ADCY5: variants seen among roughly 807,000 people sequenced by gnomAD.
ADCY5 encodes the protein adenylate cyclase 5, also known as adenylate cyclase type 5.
Under a neutral mutation model 119.7 loss-of-function variants are expected in ADCY5, and 30 were observed. The observed-to-expected ratio is 0.25, with a 90% CI of 0.19 to 0.34. The LOEUF is 0.34. Ranked by LOEUF, ADCY5 falls within the 10% of genes least tolerant of loss-of-function variation. ADCY5 has a pLI of 1.00. For missense variants in ADCY5, 1,324 were observed against 1,775.2 expected (o/e 0.75, Z 4.57); for synonymous variants, 753 against 762.2 (o/e 0.99, Z 0.20).
intron 12 of ADCY5, among the ~76,000 whole-genome samples, 155 bp from the exon 13 acceptor site, chr3:123,304,338 G>T (rs1011744206): frequency 2.6e-5 from 4 of 152,290 alleles, no homozygotes; most frequent in Admixed American, 6.5e-5. Flanking sequence ...AGCCTGCAAG[G>T]CTCCAGCCTT....
chr3:123,447,621 C>A lies in ADCY5; in HGVS notation c.925G>T (p.Val309Leu). ...GLACYALIAV[V>L]LAVQVVGLLL... ...AGGCCCACCACCTGGACGGCCAGCACCACGGCGATGAGCGCATAGCAGGCC... is the reference window on the plus strand; with the variant it reads ...AGGCCCACCACCTGGACGGCCAGCAACACGGCGATGAGCGCATAGCAGGCC... Residue 309 changes from valine to leucine, a missense_variant, in exon 1 of 21, where the codon GTG becomes TTG. By Grantham distance (32) the Val-to-Leu change is conservative (BLOSUM62 1). Around this residue, in one of 6 missense-constraint regions of ADCY5, gnomAD observed 585 missense variants for 569.9 expected, o/e 1.03. Coordinates refer to ENST00000462833, the MANE Select transcript of ADCY5 (RefSeq NM_183357.3). 1 of 1,608,004 alleles carries A rather than the reference C, an allele frequency of 6.2e-7. No individual in the cohort carries two copies. The highest frequency in any genetic ancestry group is 1.1e-5 in the South Asian group (1 of 90,490).
intron 1 of ADCY5, among the ~76,000 whole-genome samples, chr3:123,386,217 T>A (rs1225040311): frequency 6.6e-6 from 1 of 152,216 alleles, no homozygotes; most frequent in Non-Finnish European, 1.5e-5. Context: ...TGACTCAGCC[T>A]TGACACTTTT....
chr3:123,390,363 G>A (rs377010494), intron 1 of ADCY5, among the ~76,000 whole-genome samples: 6 of 152,148 alleles, frequency 3.9e-5, no homozygotes, highest in African/African-American at 9.7e-5. Context: ...CCTCCACTGC[G>A]TCTTCAAGCC....
intron 12 of ADCY5, among the ~76,000 whole-genome samples, chr3:123,310,484 T>G (rs1297905960): frequency 6.6e-6 from 1 of 152,164 alleles, no homozygotes; most frequent in East Asian, 1.9e-4. Context: ...GCCCACCCCT[T>G]GCAGGGTTAT....
chr3:123,295,991 C>T, intron 17 of ADCY5, 93 bp downstream of exon 17: 1 of 1,542,836 alleles, frequency 6.5e-7, no homozygotes, highest in South Asian at 1.2e-5. Context: ...AAGACGAAGG[C>T]CCGGCTTGGC....
At chr3:123,418,621 T>G (rs1196034286) in intron 1 of ADCY5, among the ~76,000 whole-genome samples, 1 of 152,052 alleles carries the variant, frequency 6.6e-6, no homozygotes, top group Admixed American at 6.6e-5. Context: ...GAGAACTCAC[T>G]CACTACCAGA....
At chr3:123,433,107 AAACCT>A (rs1214157778) in intron 1 of ADCY5, among the ~76,000 whole-genome samples, 1 of 152,240 alleles carries the variant, frequency 6.6e-6, no homozygotes, top group Non-Finnish European at 1.5e-5. Context: ...ACACATAAAC[AAACCT>A]AACGAGAAAA....
intron 1 of ADCY5, chr3:123,404,222 G>A (rs147293442): frequency 0.019 from 2,914 of 152,336 alleles, 50 homozygotes; most frequent in South Asian, 0.033. Flanking sequence ...TCTGGAAGGG[G>A]ACTTTCAAAT....
chr3:123,405,605 ATTTAT>A (rs917337669), intron 1 of ADCY5, among the ~76,000 whole-genome samples: 12 of 152,126 alleles, frequency 7.9e-5, no homozygotes, highest in Admixed American at 3.9e-4. Flanking sequence ...ATTTTATTTT[ATTTAT>A]TTTATTTTAT....
chr3:123,324,343 A>G (rs1160006254), intron 8 of ADCY5, among the ~76,000 whole-genome samples: 1 of 151,396 alleles, frequency 6.6e-6, no homozygotes, highest in Middle Eastern at 3.2e-3. Context: ...TGCTCCACAG[A>G]GCCCAAACTT....
At chr3:123,404,168 A>T (rs1448322300) in intron 1 of ADCY5, 2 of 152,276 alleles carry the variant, frequency 1.3e-5, no homozygotes. Flanking sequence ...AAGGCCACAC[A>T]GTCAGCACTG....
At chr3:123,308,021 TC>T (rs757946180) in intron 12 of ADCY5, among the ~76,000 whole-genome samples, 25 of 143,740 alleles carry the variant, frequency 1.7e-4, no homozygotes, top group Non-Finnish European at 2.4e-4. Context: ...TTTTTTTTTT[TC>T]ATGCTCTTTT....
intron 1 of ADCY5, among the ~76,000 whole-genome samples, chr3:123,363,051 G>C (rs1377084685): frequency 6.6e-6 from 1 of 150,442 alleles, no homozygotes; most frequent in Non-Finnish European, 1.5e-5. Flanking sequence ...GCTGAGGCAG[G>C]AGAATCACTT....
chr3:123,346,811 C>T (rs1269343049), intron 3 of ADCY5, among the ~76,000 whole-genome samples: 1 of 152,190 alleles, frequency 6.6e-6, no homozygotes, highest in East Asian at 1.9e-4. Flanking sequence ...CTCCGGAAGG[C>T]AAACACAGCA....
intron 12 of ADCY5, among the ~76,000 whole-genome samples, chr3:123,309,496 CCT>C (rs1438388372): frequency 6.6e-6 from 1 of 152,114 alleles, no homozygotes; most frequent in Non-Finnish European, 1.5e-5. Flanking sequence ...GTAACCACTT[CCT>C]AACTCCAGGA....
chr3:123,318,376 C>A (rs866022483), intron 10 of ADCY5, among the ~76,000 whole-genome samples: 1 of 152,166 alleles, frequency 6.6e-6, no homozygotes, highest in African/African-American at 2.4e-5. Flanking sequence ...TCAGAGTAAT[C>A]CATAATGATC....
chr3:123,335,973 G>A (rs1328699318), intron 3 of ADCY5, among the ~76,000 whole-genome samples: 2 of 152,232 alleles, frequency 1.3e-5, no homozygotes, highest in African/African-American at 4.8e-5. Flanking sequence ...AAGGTGAGGA[G>A]GTGGAGCAGA....
intron 1 of ADCY5, among the ~76,000 whole-genome samples, chr3:123,442,166 C>T (rs1205210950): frequency 6.6e-6 from 1 of 152,100 alleles, no homozygotes; most frequent in Non-Finnish European, 1.5e-5. Flanking sequence ...TGTTGAAGCC[C>T]CCAGAGCAAA....
chr3:123,409,540 G>A (rs1343546489), intron 1 of ADCY5, among the ~76,000 whole-genome samples: 1 of 152,176 alleles, frequency 6.6e-6, no homozygotes, highest in Non-Finnish European at 1.5e-5. Context: ...GGTAAGGGAA[G>A]CACCACCAAA....
Sources: allele counts gnomAD v4.1 joint callset (sites outside exome capture counted in the v4.1 genomes callset), GRCh38; gene constraint gnomAD v4.1.1; regional missense constraint gnomAD v4.1.1; transcripts MANE v1.5; gene names NCBI Gene and HGNC (gene_info 2026-07-23, HGNC 2026-07-21).